FGGY: variants seen among roughly 807,000 people sequenced by gnomAD.
FGGY encodes the protein FGGY carbohydrate kinase domain containing.
A neutral mutation model predicts 71.3 loss-of-function variants in FGGY; 72 were observed. The observed-to-expected ratio is 1.01, with a 90% CI of 0.84 to 1.23. FGGY has a LOEUF of 1.23. Among genes scored for constraint, FGGY ranks in the 50% most tolerant of loss-of-function variants. FGGY has a pLI of 0.00. For synonymous variants in FGGY, 251 were observed against 250.3 expected (o/e 1.00, Z -0.02); for missense variants, 668 against 682.3 (o/e 0.98, Z 0.23).
intron 11 of FGGY, 59 bp downstream of exon 11, chr1:59,638,434 G>A (rs2096984550): frequency 6.3e-7 from 1 of 1,583,258 alleles, no homozygotes; most frequent in East Asian, 2.3e-5. Context: ...TACAAAGTTT[G>A]GAAGAAGCAA....
chr1:59,446,500 C>G (rs1572244650), intron 5 of FGGY, among the ~76,000 whole-genome samples: 1 of 152,208 alleles, frequency 6.6e-6, no homozygotes, highest in Admixed American at 6.5e-5. Flanking sequence ...AATCTGACAG[C>G]TCTTTAACAG....
At chr1:59,698,703 G>T in intron 14 of FGGY, 1 of 953,166 alleles carries the variant, frequency 1.0e-6, no homozygotes, top group Non-Finnish European at 1.2e-6. Flanking sequence ...TCCCCAAAGG[G>T]ATGAATCCAT....
intron 6 of FGGY, among the ~76,000 whole-genome samples, chr1:59,473,181 G>A (rs992937136): frequency 6.6e-6 from 1 of 152,136 alleles, no homozygotes; most frequent in African/African-American, 2.4e-5. Flanking sequence ...GCCTTTATGA[G>A]CTGTAACACT....
At chr1:59,296,905 A>C (rs925538160), upstream of FGGY, 2 of 152,404 alleles carry the variant, frequency 1.3e-5, no homozygotes, top group African/African-American at 4.8e-5. Flanking sequence ...TTGGACAAGT[A>C]CTGTAAGTGA....
At chr1:59,487,063 A>T (rs1385563704) in intron 6 of FGGY, among the ~76,000 whole-genome samples, 1 of 152,164 alleles carries the variant, frequency 6.6e-6, no homozygotes, top group Non-Finnish European at 1.5e-5. Flanking sequence ...CACACCCCTG[A>T]GGTTTTTCAG....
chr1:59,689,809 C>T (rs2097574703), intron 14 of FGGY, among the ~76,000 whole-genome samples: 1 of 152,138 alleles, frequency 6.6e-6, no homozygotes, highest in South Asian at 2.1e-4. Context: ...GGAGAAAGCA[C>T]CTTCTGAAGC....
chr1:59,367,873 A>C (rs1032190612), intron 4 of FGGY, among the ~76,000 whole-genome samples: 3 of 152,124 alleles, frequency 2.0e-5, no homozygotes, highest in Admixed American at 1.3e-4. Context: ...TCCTCCCAAC[A>C]AATGCTGTGG....
chr1:59,524,572 A>C (rs569749308), intron 7 of FGGY, among the ~76,000 whole-genome samples: 2 of 152,290 alleles, frequency 1.3e-5, no homozygotes, highest in Admixed American at 6.5e-5. Context: ...CCCTGGACCC[A>C]GTCAGACACG....
intron 2 of FGGY, among the ~76,000 whole-genome samples, chr1:59,325,211 A>G (rs9661715): frequency 1.3e-5 from 2 of 151,898 alleles, no homozygotes; most frequent in Non-Finnish European, 2.9e-5. Flanking sequence ...AAAAAAATTA[A>G]CCAGGTGTGG....
chr1:59,562,384 C>T (rs540983481), intron 8 of FGGY, among the ~76,000 whole-genome samples: 63 of 152,298 alleles, frequency 4.1e-4, no homozygotes, highest in African/African-American at 1.5e-3. Context: ...TTAATTCTTC[C>T]AGGCAACTTG....
chr1:59,508,220 T>C (rs1379434344), intron 6 of FGGY, among the ~76,000 whole-genome samples: 1 of 152,220 alleles, frequency 6.6e-6, no homozygotes, highest in Non-Finnish European at 1.5e-5. Flanking sequence ...ATTTCACCTT[T>C]CTAGCATTTT....
chr1:59,609,204 G>A (rs1168467080), intron 9 of FGGY, among the ~76,000 whole-genome samples: 1 of 152,218 alleles, frequency 6.6e-6, no homozygotes, highest in Non-Finnish European at 1.5e-5. Context: ...CAGAAGTTCA[G>A]CTGTGGCACA....
chr1:59,676,965 T>C (rs1363448333), intron 14 of FGGY, among the ~76,000 whole-genome samples: 1 of 152,216 alleles, frequency 6.6e-6, no homozygotes, highest in African/African-American at 2.4e-5. Context: ...ATGTATTTTT[T>C]TTAATGTTTA....
intron 6 of FGGY, among the ~76,000 whole-genome samples, chr1:59,511,937 G>A (rs1194196369): frequency 1.3e-5 from 2 of 152,172 alleles, no homozygotes; most frequent in Non-Finnish European, 2.9e-5. Flanking sequence ...GGGTTTACGT[G>A]CGTTTAAGTA....
intron 7 of FGGY, among the ~76,000 whole-genome samples, chr1:59,538,716 A>C (rs1029828076): frequency 1.2e-4 from 19 of 152,068 alleles, no homozygotes; most frequent in Non-Finnish European, 1.8e-4. Context: ...GAAATTGGAA[A>C]TCATCATTCT....
At chr1:59,574,184 G>A (rs1267026211) in intron 8 of FGGY, among the ~76,000 whole-genome samples, 1 of 152,168 alleles carries the variant, frequency 6.6e-6, no homozygotes, top group African/African-American at 2.4e-5. Context: ...TGTCAACAGG[G>A]CCGTACTCCC....
chr1:59,692,490 G>A (rs1331655769), intron 14 of FGGY, among the ~76,000 whole-genome samples: 1 of 152,130 alleles, frequency 6.6e-6, no homozygotes, highest in African/African-American at 2.4e-5. Flanking sequence ...AAGTTGGTGT[G>A]ACAAAGCCTC....
chr1:59,332,855 G>A (rs138419553), intron 2 of FGGY, among the ~76,000 whole-genome samples: 198 of 152,076 alleles, frequency 1.3e-3, no homozygotes, highest in African/African-American at 4.5e-3. Context: ...ATGTGCTTAC[G>A]TGACACAGAG....
chr1:59,634,784 T>A (rs1416424851), intron 10 of FGGY, among the ~76,000 whole-genome samples: 1 of 152,258 alleles, frequency 6.6e-6, no homozygotes, highest in Non-Finnish European at 1.5e-5. Flanking sequence ...CTCAGGGCTC[T>A]ATGTTTAATC....
Sources: gnomAD v4.1 joint callset for allele counts (sites outside exome capture counted in the v4.1 genomes callset) on GRCh38, gnomAD v4.1.1 for gene constraint, MANE v1.5 for transcripts, NCBI Gene and HGNC (gene_info 2026-07-23, HGNC 2026-07-21) for gene names.